AMPH: variants seen among roughly 807,000 people sequenced by gnomAD.
AMPH encodes amphiphysin (Stiff-Mann syndrome with breast cancer 128kD autoantigen).
A neutral mutation model predicts 99.1 loss-of-function variants in AMPH; 49 were observed. That is an observed-to-expected ratio of 0.49 (90% CI 0.39 to 0.63). The LOEUF is 0.63. Among genes scored for constraint, AMPH ranks in the 20% least tolerant of loss-of-function variants. AMPH has a pLI of 0.00. For synonymous variants in AMPH, 314 were observed against 317.3 expected (o/e 0.99, Z 0.11); for missense variants, 759 against 863.4 (o/e 0.88, Z 1.52).
chr7:38,595,843 C>T (rs563727564), intron 1 of AMPH, among the ~76,000 whole-genome samples: 89 of 152,296 alleles, frequency 5.8e-4, no homozygotes, highest in African/African-American at 2.1e-3. Context: ...CTGCATTAAT[C>T]CCTTTAGGGT....
intron 2 of AMPH, among the ~76,000 whole-genome samples, chr7:38,517,761 T>A (rs75653364): frequency 0.018 from 2,763 of 152,226 alleles, 108 homozygotes; most frequent in East Asian, 0.18. Flanking sequence ...GATTTGAAAA[T>A]TCACAGCCTG....
At chr7:38,487,742 C>T (rs1332913954) in intron 5 of AMPH, among the ~76,000 whole-genome samples, 4 of 152,028 alleles carry the variant, frequency 2.6e-5, no homozygotes, top group Admixed American at 2.0e-4. Flanking sequence ...AGACAACCTA[C>T]AGAATAGGAG....
At chr7:38,559,063 C>T (rs545077265) in intron 1 of AMPH, among the ~76,000 whole-genome samples, 9 of 152,312 alleles carry the variant, frequency 5.9e-5, no homozygotes, top group African/African-American at 2.2e-4. Context: ...AGGACATGCC[C>T]TTTCCATGTT....
chr7:38,413,608 C>T (rs1785276148), intron 17 of AMPH, among the ~76,000 whole-genome samples: 1 of 152,010 alleles, frequency 6.6e-6, no homozygotes. Flanking sequence ...AATGGGAATA[C>T]AATCAAACTC....
intron 9 of AMPH, among the ~76,000 whole-genome samples, chr7:38,464,342 C>T (rs1042056842): frequency 6.6e-6 from 1 of 152,178 alleles, no homozygotes; most frequent in Admixed American, 6.5e-5. Context: ...AATAACCATA[C>T]TGAAAACAGT....
chr7:38,577,075 G>A (rs1199232970), intron 1 of AMPH, among the ~76,000 whole-genome samples: 3 of 152,200 alleles, frequency 2.0e-5, no homozygotes, highest in Non-Finnish European at 4.4e-5. Context: ...CAAGTCAACT[G>A]TACCAGTGTG....
intron 2 of AMPH, among the ~76,000 whole-genome samples, chr7:38,525,273 TATATAGAGAGAGAGAG>T (rs1262573892): frequency 4.7e-4 from 39 of 83,328 alleles, no homozygotes; most frequent in African/African-American, 1.3e-3. Context: ...TATATATATA[TATATAGAGAGAGAGAG>T]AGAGAGAGAG....
At chr7:38,385,154 G>T (rs1021276153) in intron 20 of AMPH, among the ~76,000 whole-genome samples, 5 of 152,000 alleles carry the variant, frequency 3.3e-5, no homozygotes, top group Non-Finnish European at 5.9e-5. Context: ...ATGACTTATT[G>T]ACTGTATAAA....
At chr7:38,490,795 T>A (rs537104383) in intron 5 of AMPH, among the ~76,000 whole-genome samples, 1 of 152,310 alleles carries the variant, frequency 6.6e-6, no homozygotes, top group South Asian at 2.1e-4. Context: ...TGATTTTATA[T>A]CTATAGGTTT....
At chr7:38,543,077 G>A (rs1790866916) in intron 1 of AMPH, among the ~76,000 whole-genome samples, 1 of 145,228 alleles carries the variant, frequency 6.9e-6, no homozygotes, top group Non-Finnish European at 1.5e-5. Context: ...CCAGGTGACA[G>A]AGCAAGACCC....
chr7:38,454,852 C>T (rs1172455154), intron 11 of AMPH, among the ~76,000 whole-genome samples: 1 of 151,992 alleles, frequency 6.6e-6, no homozygotes, highest in Non-Finnish European at 1.5e-5. Flanking sequence ...TTGGTACAAC[C>T]AACTGAGAGA....
chr7:38,414,211 T>G (rs1447844502), intron 17 of AMPH, among the ~76,000 whole-genome samples: 2 of 152,226 alleles, frequency 1.3e-5, no homozygotes, highest in African/African-American at 4.8e-5. Context: ...ATTTGTTGGT[T>G]TAAATTGGTC....
At chr7:38,511,353 A>C (rs1789533944) in intron 2 of AMPH, among the ~76,000 whole-genome samples, 1 of 152,238 alleles carries the variant, frequency 6.6e-6, no homozygotes, top group Non-Finnish European at 1.5e-5. Flanking sequence ...GCTACTTGGG[A>C]ATTTATAATG....
chr7:38,526,392 C>A (rs1306029678), intron 2 of AMPH, among the ~76,000 whole-genome samples: 1 of 146,702 alleles, frequency 6.8e-6, no homozygotes, highest in Admixed American at 6.9e-5. Context: ...ACCTCAGCCT[C>A]GCAAGTAGCT....
chr7:38,549,229 T>C (rs1317019995), intron 1 of AMPH, among the ~76,000 whole-genome samples: 4 of 152,238 alleles, frequency 2.6e-5, no homozygotes, highest in African/African-American at 4.8e-5. Flanking sequence ...GCAAGACTTA[T>C]CACAAAAGTT....
intron 1 of AMPH, among the ~76,000 whole-genome samples, chr7:38,581,676 G>T (rs1305621453): frequency 6.6e-6 from 1 of 152,200 alleles, no homozygotes. Flanking sequence ...CGGTTAAGAG[G>T]CTCTGCAGTA....
rs369316064 is a variant in AMPH at position 38,393,015 on chromosome 7, G to A, written c.1608+990C>T. 3.3e-5 allele frequency among the ~76,000 whole-genome samples: 5 copies of A among 152,250 alleles called. No homozygotes were observed. In the East Asian group the frequency reaches 7.7e-4, roughly 24 times the overall value. ...TGGAGGGGAGTTTCATCAGCAGAACGGGAGTCTTTCTATATTCCCTCTGCT... is the reference window on the plus strand; with the variant it reads ...TGGAGGGGAGTTTCATCAGCAGAACAGGAGTCTTTCTATATTCCCTCTGCT... On this transcript the variant is annotated intron_variant, in intron 18 of 20. Coordinates refer to ENST00000356264, the MANE Select transcript of AMPH (RefSeq NM_001635.4).
chr7:38,623,463 T>C (rs1794138145), intron 1 of AMPH, among the ~76,000 whole-genome samples: 1 of 152,172 alleles, frequency 6.6e-6, no homozygotes, highest in Non-Finnish European at 1.5e-5. Flanking sequence ...GAATGTCCCA[T>C]AATTATTATT....
intron 11 of AMPH, among the ~76,000 whole-genome samples, chr7:38,457,712 T>A (rs1465952286): frequency 6.6e-6 from 1 of 152,194 alleles, no homozygotes; most frequent in African/African-American, 2.4e-5. Flanking sequence ...CAAATATCCT[T>A]AAACAGATAC....
Sources: allele counts gnomAD v4.1 joint callset (sites outside exome capture counted in the v4.1 genomes callset), GRCh38; gene constraint gnomAD v4.1.1; transcripts MANE v1.5; gene names NCBI Gene and HGNC (gene_info 2026-07-23, HGNC 2026-07-21).